ABTB3: variants seen among roughly 807,000 people sequenced by gnomAD.
ABTB3 encodes the protein ankyrin repeat- and BTB/POZ domain-containing protein 3.
At chr12:107,601,089 TAAGTGGTTC>T in the ABTB3 span, among the ~76,000 whole-genome samples, 1 of 152,366 alleles carries the variant, frequency 6.6e-6, no homozygotes, top group Middle Eastern at 3.4e-3. Context: ...CACACCGTGC[TAAGTGGTTC>T]AAAAGAATTA....
chr12:107,620,567 T>C, the ABTB3 span, among the ~76,000 whole-genome samples: 1 of 152,136 alleles, frequency 6.6e-6, no homozygotes, highest in African/African-American at 2.4e-5. Context: ...CCTGAGGTGC[T>C]GTGACTAGAC....
At chr12:107,576,047 C>T in the ABTB3 span, among the ~76,000 whole-genome samples, 1 of 152,202 alleles carries the variant, frequency 6.6e-6, no homozygotes, top group African/African-American at 2.4e-5. Context: ...GTGCTCCTAA[C>T]CACAGCACTG....
the ABTB3 span, chr12:107,620,187 G>A: frequency 6.2e-7 from 1 of 1,611,508 alleles, no homozygotes; most frequent in Non-Finnish European, 8.5e-7. Flanking sequence ...TGAGGTTGTT[G>A]TGGTCATCGG....
At chr12:107,403,410 G>C in the ABTB3 span, among the ~76,000 whole-genome samples, 1 of 152,092 alleles carries the variant, frequency 6.6e-6, no homozygotes, top group Non-Finnish European at 1.5e-5. Flanking sequence ...GGGTGCTAAA[G>C]CTTCCTACCA....
chr12:107,394,056 G>C, the ABTB3 span, among the ~76,000 whole-genome samples: 7 of 152,156 alleles, frequency 4.6e-5, no homozygotes, highest in Non-Finnish European at 8.8e-5. Context: ...CCAAAGCCAG[G>C]GTCCTTAACC....
the ABTB3 span, among the ~76,000 whole-genome samples, chr12:107,434,006 G>T: frequency 6.6e-6 from 1 of 152,144 alleles, no homozygotes; most frequent in Non-Finnish European, 1.5e-5. Flanking sequence ...ATTCATGAGG[G>T]CTCCATCCTC....
At chr12:107,341,441 G>T in the ABTB3 span, among the ~76,000 whole-genome samples, 2 of 152,140 alleles carry the variant, frequency 1.3e-5, no homozygotes, top group African/African-American at 4.8e-5. Flanking sequence ...ACTGAGGGGG[G>T]TAAGAAGAAA....
chr12:107,655,745 T>C, the ABTB3 span, among the ~76,000 whole-genome samples: 1 of 152,262 alleles, frequency 6.6e-6, no homozygotes, highest in Non-Finnish European at 1.5e-5. Context: ...AGCCAGCTCT[T>C]TTTTCCTAGT....
the ABTB3 span, among the ~76,000 whole-genome samples, chr12:107,641,656 T>A: frequency 6.6e-6 from 1 of 152,262 alleles, no homozygotes; most frequent in East Asian, 1.9e-4. Flanking sequence ...TGGGACAGGA[T>A]GTGGGGATGT....
chr12:107,573,126 T>C, the ABTB3 span, among the ~76,000 whole-genome samples: 1 of 152,218 alleles, frequency 6.6e-6, no homozygotes, highest in Admixed American at 6.5e-5. Context: ...GCACTGACTC[T>C]ATCCATGAGG....
chr12:107,590,875 C>G, the ABTB3 span, among the ~76,000 whole-genome samples: 2 of 152,128 alleles, frequency 1.3e-5, no homozygotes. Flanking sequence ...ACTCTTGAGT[C>G]TATTAAATTT....
At chr12:107,358,088 A>G in the ABTB3 span, among the ~76,000 whole-genome samples, 2 of 152,286 alleles carry the variant, frequency 1.3e-5, no homozygotes, top group Admixed American at 6.5e-5. Flanking sequence ...GGGGTCCAGG[A>G]GTAAATAGCA....
chr12:107,381,744 C>A, the ABTB3 span, among the ~76,000 whole-genome samples: 3 of 152,164 alleles, frequency 2.0e-5, no homozygotes, highest in Non-Finnish European at 2.9e-5. Context: ...AGAGGCCAGA[C>A]CTCTGGATTT....
At chr12:107,617,328 T>C in the ABTB3 span, 3 of 1,614,180 alleles carry the variant, frequency 1.9e-6, no homozygotes, top group East Asian at 6.7e-5. Context: ...AGTTTGCTGT[T>C]GGAGCGTGGT....
chr12:107,492,344 C>T, the ABTB3 span, among the ~76,000 whole-genome samples: 3 of 152,272 alleles, frequency 2.0e-5, no homozygotes, highest in South Asian at 4.1e-4. Flanking sequence ...GCTCCCCAGG[C>T]GCTTGCCACA....
chr12:107,547,999 C>T, the ABTB3 span, among the ~76,000 whole-genome samples: 4 of 152,170 alleles, frequency 2.6e-5, no homozygotes, highest in Admixed American at 6.5e-5. Flanking sequence ...TTATTTCTTC[C>T]GGCTCCCTGA....
At chr12:107,319,199 T>A in the ABTB3 span, 2 of 1,591,248 alleles carry the variant, frequency 1.3e-6, no homozygotes, top group Admixed American at 3.4e-5. Flanking sequence ...CGGCCAGCAC[T>A]GCTCGCGGCT....
the ABTB3 span, among the ~76,000 whole-genome samples, chr12:107,459,384 C>T: frequency 6.6e-6 from 1 of 152,182 alleles, no homozygotes; most frequent in Non-Finnish European, 1.5e-5. Flanking sequence ...ATGGTAGACA[C>T]TAGGGATCCA....
chr12:107,621,344 A>G, the ABTB3 span, among the ~76,000 whole-genome samples: 1 of 152,092 alleles, frequency 6.6e-6, no homozygotes, highest in African/African-American at 2.4e-5. Context: ...AGCATTTCAA[A>G]ACCAAACTCC....
Sources: gnomAD v4.1 joint callset for allele counts (sites outside exome capture counted in the v4.1 genomes callset) on GRCh38, gnomAD v4.1.1 for gene constraint, MANE v1.5 for transcripts, NCBI Gene and HGNC (gene_info 2026-07-23, HGNC 2026-07-21) for gene names.